The following CTNNA2 variants were observed in gnomAD, a reference collection of about 807,000 sequenced individuals.
The protein encoded by CTNNA2 is catenin alpha 2.
CTNNA2 carries 42 observed loss-of-function variants against 101.0 expected under a neutral mutation model. The ratio of observed to expected loss-of-function variants is 0.42; its 90% CI spans 0.32 to 0.54. The LOEUF is 0.54. CTNNA2 is among the 20% of genes least tolerant of loss of function. The pLI is 0.14. For missense variants in CTNNA2, 871 were observed against 1,223.1 expected, an observed-to-expected ratio of 0.71 and a Z score of 4.29; for synonymous variants, 450 against 456.4, an observed-to-expected ratio of 0.99 and a Z score of 0.18.
intron 9 of CTNNA2, among the ~76,000 whole-genome samples, chr2:80,469,780 G>A (rs912799066): frequency 6.6e-6 from 1 of 152,102 alleles, no homozygotes; most frequent in African/African-American, 2.4e-5. Flanking sequence ...TAGGTGGTAG[G>A]CAAGGGGCTT....
chr2:79,352,371 T>G (rs951154847), intron 3 of CTNNA2, among the ~76,000 whole-genome samples: 7 of 152,154 alleles, frequency 4.6e-5, no homozygotes, highest in African/African-American at 1.7e-4. Flanking sequence ...TTTGTGTGCA[T>G]AGAGGTCTTC....
intron 15 of CTNNA2, among the ~76,000 whole-genome samples, chr2:80,596,285 T>G (rs1398090704): frequency 3.5e-5 from 1 of 28,524 alleles, no homozygotes; most frequent in East Asian, 9.3e-4. Flanking sequence ...GGTTGTTTTT[T>G]TTTTTTTTTT....
chr2:80,462,357 A>C (rs1226178950), intron 9 of CTNNA2, among the ~76,000 whole-genome samples: 1 of 152,224 alleles, frequency 6.6e-6, no homozygotes, highest in African/African-American at 2.4e-5. Flanking sequence ...TTATACGGGA[A>C]GACTTGAAAG....
intron 7 of CTNNA2, among the ~76,000 whole-genome samples, chr2:80,118,033 G>C (rs1326094187): frequency 6.6e-6 from 1 of 152,158 alleles, no homozygotes; most frequent in Non-Finnish European, 1.5e-5. Flanking sequence ...TGGCACAGTT[G>C]CTAAGAGCCC....
At chr2:79,395,951 CACTT>C (rs1442661865) in intron 4 of CTNNA2, among the ~76,000 whole-genome samples, 4 of 152,158 alleles carry the variant, frequency 2.6e-5, no homozygotes, top group Non-Finnish European at 4.4e-5. Flanking sequence ...AGTACACACT[CACTT>C]AACCATAGCC....
At chr2:80,214,729 A>T (rs1003224958) in intron 7 of CTNNA2, among the ~76,000 whole-genome samples, 2 of 151,946 alleles carry the variant, frequency 1.3e-5, no homozygotes, top group African/African-American at 2.4e-5. Context: ...TCTGACAATT[A>T]TGTGTCTTGG....
intron 4 of CTNNA2, among the ~76,000 whole-genome samples, chr2:79,400,191 ACAGT>A: frequency 6.6e-6 from 1 of 152,142 alleles, no homozygotes; most frequent in Non-Finnish European, 1.5e-5. Context: ...TCTTAAGGAG[ACAGT>A]CAGATACGCA....
chr2:80,540,498 G>A (rs1691459640), intron 9 of CTNNA2, among the ~76,000 whole-genome samples: 1 of 151,642 alleles, frequency 6.6e-6, no homozygotes, highest in South Asian at 2.1e-4. Context: ...TGGTGAGGCT[G>A]AGACAGGAGA....
At chr2:79,980,544 T>G (rs966032785) in intron 7 of CTNNA2, among the ~76,000 whole-genome samples, 11 of 152,292 alleles carry the variant, frequency 7.2e-5, no homozygotes, top group Admixed American at 5.9e-4. Flanking sequence ...GATTCTACAA[T>G]TACATTTTGA....
chr2:79,574,508 G>A (rs79956769), intron 1 of CTNNA2, among the ~76,000 whole-genome samples: 6,388 of 152,212 alleles, frequency 0.042, 189 homozygotes, highest in Middle Eastern at 0.13. Flanking sequence ...TTAGGGTAAT[G>A]ACCTCCAGCT....
chr2:80,475,035 G>A (rs4528777), intron 9 of CTNNA2, among the ~76,000 whole-genome samples: 58,323 of 151,916 alleles, frequency 0.38, 12,219 homozygotes, highest in East Asian at 0.66. Flanking sequence ...TGTGAGTTGG[G>A]TGATTTTTAC....
At position 80,367,056 on chromosome 2, in the gene CTNNA2, C is replaced by T. The variant is rs186063988; in HGVS notation, c.1057-26155C>T. 4.2e-4 allele frequency among the ~76,000 whole-genome samples: 63 copies of T among 149,494 alleles called. No homozygotes were observed. In the East Asian group the frequency reaches 9.6e-3, roughly 23 times the overall value. ...GATTAGTCTTTCAAAAGGAGGCAAT[C>T]AGATACACATGTATCTCAAAGAGCA... is the stretch of plus-strand genomic sequence containing the variant. On this transcript the variant is annotated intron_variant, in intron 7 of 18. Coordinates refer to ENST00000402739, the MANE Select transcript of CTNNA2 (RefSeq NM_001282597.3).
At chr2:80,550,238 C>T (rs1692447299) in intron 11 of CTNNA2, among the ~76,000 whole-genome samples, 1 of 152,160 alleles carries the variant, frequency 6.6e-6, no homozygotes, top group East Asian at 1.9e-4. Flanking sequence ...CTGTACATAC[C>T]TTTATTTAGA....
intron 5 of CTNNA2, among the ~76,000 whole-genome samples, chr2:79,506,292 G>A (rs905945543): frequency 4.6e-5 from 7 of 151,460 alleles, no homozygotes; most frequent in Non-Finnish European, 7.4e-5. Context: ...CCTTTGCAAA[G>A]TATATTGGTG....
intron 1 of CTNNA2, among the ~76,000 whole-genome samples, chr2:79,531,543 A>G (rs1418889503): frequency 6.6e-6 from 1 of 152,130 alleles, no homozygotes; most frequent in Non-Finnish European, 1.5e-5. Context: ...TATGCCTGCA[A>G]TAATACACAG....
chr2:79,555,344 G>T (rs1378085463), intron 1 of CTNNA2, among the ~76,000 whole-genome samples: 2 of 152,100 alleles, frequency 1.3e-5, no homozygotes, highest in Admixed American at 6.6e-5. Flanking sequence ...GCATCCTCTT[G>T]AATGGGGAGG....
intron 2 of CTNNA2, among the ~76,000 whole-genome samples, chr2:79,284,568 A>G (rs1675502027): frequency 6.6e-6 from 1 of 150,876 alleles, no homozygotes; most frequent in Non-Finnish European, 1.5e-5. Context: ...ACATTTATTG[A>G]TTTGCATATA....
chr2:80,465,031 T>C (rs1324447475), intron 9 of CTNNA2, among the ~76,000 whole-genome samples: 2 of 152,190 alleles, frequency 1.3e-5, no homozygotes, highest in African/African-American at 2.4e-5. Context: ...TCAAAAGATA[T>C]GCGTCTTCAT....
chr2:80,130,809 A>C (rs1702375014), intron 7 of CTNNA2, among the ~76,000 whole-genome samples: 1 of 152,020 alleles, frequency 6.6e-6, no homozygotes, highest in South Asian at 2.1e-4. Context: ...TGGAAAAAGA[A>C]AAAAAAGAAT....
Sources: allele counts gnomAD v4.1 joint callset (sites outside exome capture counted in the v4.1 genomes callset), GRCh38; gene constraint gnomAD v4.1.1; transcripts MANE v1.5; gene names NCBI Gene and HGNC (gene_info 2026-07-23, HGNC 2026-07-21).